SYNE2: variants seen among roughly 807,000 people sequenced by gnomAD.
SYNE2 encodes the protein nesprin-2.
In SYNE2, 431 loss-of-function variants were observed where a neutral mutation model predicts 856.3. The observed-to-expected ratio is 0.50, with a 90% confidence interval of 0.47 to 0.55. The LOEUF is 0.55. Ranked by LOEUF, SYNE2 falls within the 20% of genes least tolerant of loss-of-function variation. The pLI is 0.00. For synonymous variants in SYNE2, 2,923 were observed against 2,872.3 expected, an observed-to-expected ratio of 1.02 and a Z score of -0.56; for missense variants, 8,129 against 8,023.2, an observed-to-expected ratio of 1.01 and a Z score of -0.50.
At position 64,031,249 on chromosome 14, in the gene SYNE2, A is replaced by T. The variant is rs1349108220; in HGVS notation, c.7113A>T (p.Gly2371=). ...CAAAACGCTCAACAGAAAAGAAAGG[A>T]AAGTTTACTCTGCCAGGCAGAGAGA... ...LKSKRSTEKK[G]KFTLPGREKQ... is the part of the protein sequence containing the mutation. The change falls in exon 45 of 116, where the codon GGA becomes GGT. Residue 2371 remains glycine (G), a synonymous_variant. Transcript: ENST00000555002. 1 of 1,614,074 alleles carries T rather than the reference A, an allele frequency of 6.2e-7. No homozygotes were observed. Among genetic ancestry groups the T allele is most frequent in the Non-Finnish European group, 8.5e-7 (1 of 1,180,048 alleles).
At chr14:63,778,347 TA>T (rs1887185041) in intron 1 of SYNE2, among the ~76,000 whole-genome samples, 1 of 152,138 alleles carries the variant, frequency 6.6e-6, no homozygotes, top group South Asian at 2.1e-4. Flanking sequence ...TTTTTTTTAA[TA>T]AATGACCCAG....
intron 1 of SYNE2, among the ~76,000 whole-genome samples, chr14:63,818,325 C>G (rs1032576831): frequency 2.3e-5 from 3 of 131,338 alleles, no homozygotes; most frequent in African/African-American, 8.6e-5. Context: ...CAGAGTGAGA[C>G]TCTGTCAAGA....
At chr14:64,154,168 TAAA>T (rs5809216) in intron 85 of SYNE2, among the ~76,000 whole-genome samples, 9 of 137,990 alleles carry the variant, frequency 6.5e-5, no homozygotes, top group East Asian at 2.1e-4. Context: ...CCATTTGTAT[TAAA>T]AAAAAAAAAA....
At chr14:63,831,477 C>A (rs568338172) in intron 1 of SYNE2, among the ~76,000 whole-genome samples, 43 of 146,346 alleles carry the variant, frequency 2.9e-4, no homozygotes, top group African/African-American at 1.0e-3. Context: ...TCTGATTCTT[C>A]TATTTTTTTC....
At position 64,035,065 on chromosome 14, in the gene SYNE2, G is replaced by A. The variant is rs147035056; in HGVS notation, c.7221+3708G>A. ...TTTAAAAACTGAAAACCTTTGGTCT[G>A]TAATTACTTCTTTGATTTCCTTATC... is the stretch of plus-strand genomic sequence containing the variant. On this transcript the variant is annotated intron_variant, in intron 45 of 115. Transcript: ENST00000555002. 3.4e-3 allele frequency among the ~76,000 whole-genome samples: 522 copies of A among 151,650 alleles called. 3 individuals are homozygous for A. The highest frequency in any genetic ancestry group is 0.011 in the African/African-American group (471 of 41,298).
Position 64,215,359 on chromosome 14 carries a change from G to T in SYNE2, c.19402+5G>T. On this transcript the variant is annotated splice_donor_5th_base_variant and intron_variant, in intron 107 of 115. Transcript: ENST00000555002. ...AAACTTTGAAAGCGTCTTCTGGTAG[G>T]CCCCCGCCCATGCATGTGTCAACAT... 1 of 1,613,924 alleles carries T rather than the reference G, an allele frequency of 6.2e-7. No individual in the cohort carries two copies.
chr14:64,065,466 A>G lies in SYNE2; in HGVS notation c.10247A>G (p.Glu3416Gly). The G allele has an allele frequency of 6.2e-7, 1 of 1,614,178 alleles. No individual in the cohort carries two copies. Among genetic ancestry groups the G allele is most frequent in the South Asian group, 1.1e-5 (1 of 91,084 alleles). Residue 3416 changes from glutamate (E) to glycine (G), a missense_variant, in exon 51 of 116, where the codon GAG (glutamate) becomes GGG (glycine). Physicochemically the swap from Glu to Gly is moderately conservative, Grantham distance 98. Around this residue, in one of 3 missense-constraint regions of SYNE2, gnomAD observed 5,410 missense variants for 5,284.8 expected, o/e 1.02. Coordinates refer to ENST00000555002, the MANE Select transcript of SYNE2 (RefSeq NM_182914.3). ...TCAAATCTTATATCAACCAAAGAAG[A>G]GTTAATGAAACTACGACAGATCCTT... ...LVSNLISTKEELMKLRQILRL... is the reference protein window; with the variant it reads ...LVSNLISTKEGLMKLRQILRL...
At chr14:63,998,644 C>T (rs568644867) in intron 26 of SYNE2, among the ~76,000 whole-genome samples, 1 of 152,266 alleles carries the variant, frequency 6.6e-6, no homozygotes, top group Non-Finnish European at 1.5e-5. Context: ...TTGCTGCAGC[C>T]TCCGCCTCCC....
At chr14:63,865,609 C>T (rs1429788233) in intron 1 of SYNE2, among the ~76,000 whole-genome samples, 1 of 151,286 alleles carries the variant, frequency 6.6e-6, no homozygotes, top group Admixed American at 6.6e-5. Flanking sequence ...GTCTTGAACT[C>T]CTGACCTCAG....
intron 1 of SYNE2, among the ~76,000 whole-genome samples, chr14:63,881,221 TGCCC>T (rs1426091431): frequency 6.6e-6 from 1 of 151,994 alleles, no homozygotes; most frequent in Non-Finnish European, 1.5e-5. Context: ...TCAAGCAGTC[TGCCC>T]GCCTTGGCTT....
chr14:63,992,827 G>A (rs1337875388), intron 21 of SYNE2, among the ~76,000 whole-genome samples: 1 of 152,202 alleles, frequency 6.6e-6, no homozygotes, highest in East Asian at 1.9e-4. Context: ...CAGTCCTCAA[G>A]GAGGCCTTGG....
chr14:64,216,473 C>T (rs776795091), intron 108 of SYNE2, 86 bp downstream of exon 108: 7 of 1,421,594 alleles, frequency 4.9e-6, no homozygotes, highest in Middle Eastern at 1.7e-4. Flanking sequence ...GTGTAAACTG[C>T]GTGTATTCAT....
chr14:64,078,664 G>GT, intron 55 of SYNE2, 58 bp downstream of exon 55: 2 of 1,595,472 alleles, frequency 1.3e-6, no homozygotes, highest in Non-Finnish European at 1.7e-6. Flanking sequence ...CTCCTGCCTT[G>GT]TTCATCAGTC....
intron 1 of SYNE2, among the ~76,000 whole-genome samples, chr14:63,857,322 T>C (rs1368771976): frequency 6.6e-6 from 1 of 152,224 alleles, no homozygotes; most frequent in Non-Finnish European, 1.5e-5. Flanking sequence ...TTCTTTTTAT[T>C]GTTAAGTAAT....
At chr14:63,965,514 A>T (rs1000647293) in intron 10 of SYNE2, among the ~76,000 whole-genome samples, 5 of 152,194 alleles carry the variant, frequency 3.3e-5, no homozygotes, top group African/African-American at 1.2e-4. Flanking sequence ...AAGAGACTTA[A>T]TAGGAAACAA....
intron 50 of SYNE2, 24 bp downstream of exon 50, chr14:64,062,919 G>C (rs1417173545): frequency 1.2e-6 from 2 of 1,613,858 alleles, no homozygotes; most frequent in African/African-American, 1.3e-5. Context: ...CAATTAGCCA[G>C]TAAGTCTGTG....
rs143318951 is a variant in SYNE2, at chr14:64,016,458, A to C, written c.4729-15A>C. The C allele has an allele frequency of 1.3e-6, 2 of 1,519,726 alleles. No individual in the cohort carries two copies. Among genetic ancestry groups the C allele is most frequent in the African/African-American group, 1.4e-5 (1 of 72,196 alleles). The allele number at this position is 1,519,726 out of a possible 1,614,324, so 94.1% of individuals were successfully genotyped here. On this transcript the variant is annotated splice_polypyrimidine_tract_variant and intron_variant, in intron 32 of 115. Transcript: ENST00000555002. Reference sequence around the variant, plus strand: ...TATCAAAATATCAGAAATAACTTTCATATCTTTTTTACAGATTGAAATTGT... The same window carrying C: ...TATCAAAATATCAGAAATAACTTTCCTATCTTTTTTACAGATTGAAATTGT...
intron 46 of SYNE2, 121 bp from the exon 47 acceptor site, chr14:64,049,490 G>C: frequency 1.2e-6 from 1 of 836,680 alleles, no homozygotes; most frequent in Non-Finnish European, 1.9e-6. Context: ...GTTACCCTGT[G>C]TGCAAATGAG....
intron 92 of SYNE2, among the ~76,000 whole-genome samples, 166 bp from the exon 93 acceptor site, chr14:64,168,711 G>T (rs1022850674): frequency 1.3e-5 from 2 of 152,144 alleles, no homozygotes; most frequent in Non-Finnish European, 2.9e-5. Flanking sequence ...ATTCGTAGGT[G>T]ATGTTGATAT....
Sources: allele counts gnomAD v4.1 joint callset (sites outside exome capture counted in the v4.1 genomes callset), GRCh38; gene constraint gnomAD v4.1.1; regional missense constraint gnomAD v4.1.1; transcripts MANE v1.5; gene names NCBI Gene and HGNC (gene_info 2026-07-23, HGNC 2026-07-21).